Variants in TRDN observed in about 807,000 individuals in gnomAD.
The protein encoded by TRDN is triadin.
In TRDN, 161 loss-of-function variants were observed where a neutral mutation model predicts 149.7. The observed-to-expected ratio is 1.08, with a 90% CI of 0.95 to 1.23. TRDN has a LOEUF of 1.23. TRDN is among the 50% of genes most tolerant of loss of function. The pLI is 0.00. For missense variants in TRDN, 896 were observed against 823.5 expected (o/e 1.09, Z -1.08); for synonymous variants, 294 against 250.5 (o/e 1.17, Z -1.64).
chr6:123,512,717 T>C (rs958233605), intron 6 of TRDN, among the ~76,000 whole-genome samples: 1 of 152,196 alleles, frequency 6.6e-6, no homozygotes, highest in Non-Finnish European at 1.5e-5. Context: ...ATTTGAATTA[T>C]ATTAAATTGT....
At chr6:123,505,818 G>A (rs1778898045) in intron 7 of TRDN, among the ~76,000 whole-genome samples, 1 of 151,664 alleles carries the variant, frequency 6.6e-6, no homozygotes, top group Non-Finnish European at 1.5e-5. Flanking sequence ...TCCTGCCTCA[G>A]CCTCCCAAGT....
intron 39 of TRDN, among the ~76,000 whole-genome samples, chr6:123,222,435 G>A (rs182461786): frequency 1.2e-3 from 184 of 151,638 alleles, no homozygotes; most frequent in African/African-American, 4.3e-3. Context: ...TAAAGTTTTA[G>A]AAGCACTGGT....
chr6:123,412,591 A>T (rs1163768832), intron 12 of TRDN, among the ~76,000 whole-genome samples: 1 of 152,152 alleles, frequency 6.6e-6, no homozygotes, highest in Non-Finnish European at 1.5e-5. Flanking sequence ...GCCTGGTGAG[A>T]TTATGAATAC....
chr6:123,430,765 C>T (rs1774307101), intron 12 of TRDN, among the ~76,000 whole-genome samples: 1 of 152,104 alleles, frequency 6.6e-6, no homozygotes, highest in Admixed American at 6.6e-5. Flanking sequence ...ACCTTCGCTC[C>T]TTCTGAGTTT....
intron 23 of TRDN, among the ~76,000 whole-genome samples, chr6:123,331,649 CT>C (rs1779663711): frequency 6.6e-6 from 1 of 151,942 alleles, no homozygotes; most frequent in African/African-American, 2.4e-5. Flanking sequence ...TAGCATAAGA[CT>C]TTTTAAAATT....
At chr6:123,278,401 C>A in intron 25 of TRDN, 54 bp from the exon 26 acceptor site, 2 of 1,063,424 alleles carry the variant, frequency 1.9e-6, no homozygotes, top group Non-Finnish European at 1.3e-6. Context: ...TATTCATTTC[C>A]TATATACTTG....
At chr6:123,477,020 A>G (rs1250203222) in intron 9 of TRDN, among the ~76,000 whole-genome samples, 7 of 93,376 alleles carry the variant, frequency 7.5e-5, no homozygotes, top group African/African-American at 3.1e-4. Context: ...CATGTCTAAA[A>G]CACCAAAAGC....
In TRDN at chr6:123,297,265, A is replaced by G. The variant is rs550047215; in HGVS notation, c.1511-18183T>C. 2.0e-5 allele frequency among the ~76,000 whole-genome samples: 3 copies of G among 152,174 alleles called. No homozygotes were observed. The East Asian group carries it at 5.8e-4, about 29-fold the overall frequency. ...TCTGTTCTCACTTTTCATCTCAGAC[A>G]GTTATCTGATATTTTGCCTCAAATG... On this transcript the variant is annotated intron_variant, in intron 24 of 40. Coordinates refer to ENST00000334268, the MANE Select transcript of TRDN (RefSeq NM_006073.4).
At chr6:123,236,847 G>A (rs1775806401) in intron 38 of TRDN, among the ~76,000 whole-genome samples, 1 of 151,328 alleles carries the variant, frequency 6.6e-6, no homozygotes, top group Admixed American at 6.6e-5. Context: ...TAAGTGTACA[G>A]TAACATTTAA....
intron 1 of TRDN, among the ~76,000 whole-genome samples, chr6:123,594,369 C>A (rs1783928901): frequency 6.6e-6 from 1 of 151,896 alleles, no homozygotes. Context: ...ATGCCTAATC[C>A]AGACTAATCC....
chr6:123,337,481 A>G, intron 22 of TRDN, 138 bp downstream of exon 22: 2 of 307,392 alleles, frequency 6.5e-6, no homozygotes, highest in Non-Finnish European at 1.2e-5. Flanking sequence ...AAATAAACAC[A>G]AGTTTTTAAA....
intron 10 of TRDN, chr6:123,441,932 A>T (rs545486383): frequency 1.6e-4 from 25 of 152,302 alleles, no homozygotes; most frequent in African/African-American, 5.5e-4. Flanking sequence ...CAGTTAAGTA[A>T]ATAAGAACTT....
chr6:123,228,564 C>T (rs1445103004), intron 38 of TRDN, among the ~76,000 whole-genome samples: 1 of 151,874 alleles, frequency 6.6e-6, no homozygotes, highest in African/African-American at 2.4e-5. Context: ...AACGTACTCA[C>T]TATTGTGAGA....
At chr6:123,370,354 T>C (rs1582929252) in intron 19 of TRDN, among the ~76,000 whole-genome samples, 2 of 152,214 alleles carry the variant, frequency 1.3e-5, no homozygotes, top group South Asian at 2.1e-4. Context: ...TAGTGTTATA[T>C]AAATTAAACT....
chr6:123,573,194 G>T (rs182602433), intron 1 of TRDN, among the ~76,000 whole-genome samples: 2 of 152,110 alleles, frequency 1.3e-5, no homozygotes, highest in Admixed American at 1.3e-4. Context: ...CTAGAAGGTC[G>T]CTATTACACT....
chr6:123,544,401 G>A (rs953375986), intron 4 of TRDN, among the ~76,000 whole-genome samples: 7 of 151,782 alleles, frequency 4.6e-5, no homozygotes, highest in Non-Finnish European at 7.4e-5. Context: ...GAAATAGTAC[G>A]GTTATAAACC....
At chr6:123,224,455 T>A (rs929526157) in intron 38 of TRDN, among the ~76,000 whole-genome samples, 1 of 151,728 alleles carries the variant, frequency 6.6e-6, no homozygotes, top group Non-Finnish European at 1.5e-5. Flanking sequence ...AAAATCATAA[T>A]CATTTATAGA....
intron 2 of TRDN, among the ~76,000 whole-genome samples, chr6:123,559,616 T>C (rs898482511): frequency 1.6e-4 from 24 of 152,208 alleles, no homozygotes; most frequent in South Asian, 8.3e-4. Flanking sequence ...TCAATGCCAA[T>C]ATCCCATCCC....
chr6:123,433,654 A>G (rs1583014084), intron 12 of TRDN, among the ~76,000 whole-genome samples: 1 of 152,304 alleles, frequency 6.6e-6, no homozygotes, highest in East Asian at 1.9e-4. Flanking sequence ...AAAAAATCCT[A>G]TTGGAAAGTG....
Sources: allele counts gnomAD v4.1 joint callset (sites outside exome capture counted in the v4.1 genomes callset), GRCh38; gene constraint gnomAD v4.1.1; transcripts MANE v1.5; gene names NCBI Gene and HGNC (gene_info 2026-07-23, HGNC 2026-07-21).